Variants in UBL3 observed in about 807,000 individuals in gnomAD.
The protein encoded by UBL3 is ubiquitin-like protein 3.
Under a neutral mutation model 18.4 loss-of-function variants are expected in UBL3, and 6 were observed. That is an observed-to-expected ratio of 0.33 (90% CI 0.18 to 0.64). UBL3 has a LOEUF of 0.64. UBL3 is among the 30% of genes least tolerant of loss of function. The pLI, the probability that UBL3 is intolerant of heterozygous loss-of-function variation, is 0.76. For synonymous variants in UBL3, 49 were observed against 46.6 expected, an observed-to-expected ratio of 1.05 and a Z score of -0.21; for missense variants, 109 against 142.9, an observed-to-expected ratio of 0.76 and a Z score of 1.21.
At chr13:29,844,766 C>T (rs867936554) in intron 1 of UBL3, among the ~76,000 whole-genome samples, 2 of 152,220 alleles carry the variant, frequency 1.3e-5, no homozygotes, top group South Asian at 2.1e-4. Context: ...TCTCCTAAAA[C>T]ATATTTAATG....
intron 1 of UBL3, among the ~76,000 whole-genome samples, chr13:29,823,469 G>T (rs1361007315): frequency 6.6e-6 from 1 of 152,142 alleles, no homozygotes; most frequent in African/African-American, 2.4e-5. Context: ...AGTGTAGACA[G>T]ATAAAAATAA....
intron 1 of UBL3, among the ~76,000 whole-genome samples, chr13:29,824,119 T>C (rs1167963546): frequency 1.3e-5 from 2 of 152,186 alleles, no homozygotes; most frequent in East Asian, 1.9e-4. Flanking sequence ...GATGGACATA[T>C]GGGTTGGTTC....
chr13:29,798,716 C>G (rs1181848316), intron 1 of UBL3, among the ~76,000 whole-genome samples: 1 of 152,150 alleles, frequency 6.6e-6, no homozygotes. Context: ...AACAGCACAG[C>G]TATTTCACAA....
chr13:29,788,870 T>C (rs12875329), intron 1 of UBL3, among the ~76,000 whole-genome samples: 40 of 20,932 alleles, frequency 1.9e-3, no homozygotes, highest in East Asian at 7.7e-3. Context: ...TGTGTGTGTG[T>C]GCGCGCGCGC....
At chr13:29,844,873 C>A (rs1222209660) in intron 1 of UBL3, among the ~76,000 whole-genome samples, 32 of 151,964 alleles carry the variant, frequency 2.1e-4, no homozygotes, top group Non-Finnish European at 1.3e-4. Flanking sequence ...TTTTCATATT[C>A]CAAGTGATAA....
intron 2 of UBL3, among the ~76,000 whole-genome samples, chr13:29,776,474 G>A (rs1876995295): frequency 6.6e-6 from 1 of 151,682 alleles, no homozygotes; most frequent in Non-Finnish European, 1.5e-5. Flanking sequence ...TGTTGCACAG[G>A]CTGGTCTCAC....
intron 1 of UBL3, among the ~76,000 whole-genome samples, chr13:29,831,958 C>A (rs761484079): frequency 1.3e-5 from 2 of 152,126 alleles, no homozygotes; most frequent in Non-Finnish European, 2.9e-5. Flanking sequence ...AGTAAAAATT[C>A]GCTTCCTCAA....
chr13:29,837,666 A>G (rs1439729222), intron 1 of UBL3, among the ~76,000 whole-genome samples: 2 of 152,116 alleles, frequency 1.3e-5, no homozygotes, highest in African/African-American at 4.8e-5. Context: ...CTTTGTAATC[A>G]TGCTTGTAAT....
At chr13:29,767,779 T>A in intron 3 of UBL3, 84 bp from the exon 4 acceptor site, 2 of 1,250,166 alleles carry the variant, frequency 1.6e-6, no homozygotes, top group South Asian at 2.9e-5. Flanking sequence ...TTTTAAAAAT[T>A]GATTGCTTTT....
chr13:29,840,073 A>G (rs1179862048), intron 1 of UBL3, among the ~76,000 whole-genome samples: 2 of 78,308 alleles, frequency 2.6e-5, no homozygotes, highest in Non-Finnish European at 4.9e-5. Context: ...AGAAATCAGT[A>G]AAAAGTTAAA....
chr13:29,823,800 T>C (rs1181353859), intron 1 of UBL3, among the ~76,000 whole-genome samples: 2 of 152,230 alleles, frequency 1.3e-5, no homozygotes, highest in African/African-American at 2.4e-5. Flanking sequence ...GTTGGTGTGC[T>C]GCACCCATTA....
intron 1 of UBL3, among the ~76,000 whole-genome samples, chr13:29,835,160 ATAT>A (rs1878924596): frequency 1.9e-5 from 1 of 53,404 alleles, no homozygotes; most frequent in Non-Finnish European, 3.4e-5. Flanking sequence ...ATATATATAT[ATAT>A]ATATATATAT....
intron 1 of UBL3, among the ~76,000 whole-genome samples, chr13:29,801,253 G>A (rs1877756783): frequency 6.6e-6 from 1 of 152,100 alleles, no homozygotes; most frequent in Non-Finnish European, 1.5e-5. Context: ...TCTTCAACAG[G>A]CACACCCGCT....
chr13:29,807,183 A>G lies in UBL3; in HGVS notation c.28-29920T>C, dbSNP rs184683385. On this transcript the variant is annotated intron_variant, in intron 1 of 4. Coordinates refer to ENST00000380680, the MANE Select transcript of UBL3 (RefSeq NM_007106.4). ...AGGTACCACAAACTGTATAAAGTTA[A>G]TATTTGTATAATTCATTTTCTATAA... 4.6e-5 allele frequency among the ~76,000 whole-genome samples: 7 copies of G among 152,276 alleles called. No homozygotes were observed. In the East Asian group the frequency reaches 1.2e-3, roughly 25 times the overall value.
At chr13:29,841,260 ATCTCTCTCTC>A (rs10531958) in intron 1 of UBL3, among the ~76,000 whole-genome samples, 9 of 149,710 alleles carry the variant, frequency 6.0e-5, no homozygotes, top group Admixed American at 4.6e-4. Context: ...CCAATAGAGA[ATCTCTCTCTC>A]TCTCTCTCTC....
At chr13:29,807,477 T>C (rs1291624464) in intron 1 of UBL3, among the ~76,000 whole-genome samples, 1 of 152,220 alleles carries the variant, frequency 6.6e-6, no homozygotes, top group East Asian at 1.9e-4. Flanking sequence ...ATCTCTTTGT[T>C]TTCTGCTCTC....
At chr13:29,779,194 A>G (rs538737798) in intron 1 of UBL3, 1 of 499,152 alleles carries the variant, frequency 2.0e-6, no homozygotes, top group African/African-American at 1.9e-5. Flanking sequence ...CAATTCTTCA[A>G]GCAAGGAACC....
At chr13:29,806,858 T>G (rs1481580523) in intron 1 of UBL3, among the ~76,000 whole-genome samples, 1 of 152,212 alleles carries the variant, frequency 6.6e-6, no homozygotes, top group Non-Finnish European at 1.5e-5. Flanking sequence ...AATGCTTTCT[T>G]CAGTAGCTTT....
chr13:29,846,183 A>C (rs1879224618), intron 1 of UBL3, among the ~76,000 whole-genome samples: 1 of 152,100 alleles, frequency 6.6e-6, no homozygotes, highest in African/African-American at 2.4e-5. Context: ...AAATAAATAC[A>C]TCATTTAAAT....
Sources: allele counts gnomAD v4.1 joint callset (sites outside exome capture counted in the v4.1 genomes callset), GRCh38; gene constraint gnomAD v4.1.1; transcripts MANE v1.5; gene names NCBI Gene and HGNC (gene_info 2026-07-23, HGNC 2026-07-21).